The following IKZF2 variants were observed in gnomAD, a reference collection of about 807,000 sequenced individuals.
IKZF2 encodes the protein IKAROS family zinc finger 2, also known as zinc finger protein Helios.
A neutral mutation model predicts 49.2 loss-of-function variants in IKZF2; 15 were observed. The observed-to-expected ratio is 0.30, with a 90% confidence interval of 0.20 to 0.47. IKZF2 has a LOEUF of 0.47. IKZF2 is among the 20% of genes least tolerant of loss of function. The probability of loss-of-function intolerance (pLI) is 1.00; values close to 1 mark genes in which losing one functional copy is unlikely to be tolerated. For missense variants in IKZF2, 567 were observed against 664.6 expected, an observed-to-expected ratio of 0.85 and a Z score of 1.61; for synonymous variants, 227 against 221.4, an observed-to-expected ratio of 1.03 and a Z score of -0.23.
chr2:213,070,634 A>G (rs1256502579), intron 4 of IKZF2, among the ~76,000 whole-genome samples: 1 of 152,170 alleles, frequency 6.6e-6, no homozygotes, highest in East Asian at 1.9e-4. Context: ...ATAGGACTAG[A>G]CAAGACAGGC....
At chr2:213,029,602 C>T (rs1303917691) in intron 6 of IKZF2, among the ~76,000 whole-genome samples, 1 of 151,942 alleles carries the variant, frequency 6.6e-6, no homozygotes, top group Non-Finnish European at 1.5e-5. Flanking sequence ...TCTTCGATTT[C>T]ACTTACTAAT....
intron 4 of IKZF2, among the ~76,000 whole-genome samples, chr2:213,124,250 G>A (rs866319118): frequency 0.022 from 2,053 of 93,432 alleles, 44 homozygotes; most frequent in African/African-American, 0.11. Context: ...TCGCGCGCGC[G>A]CGCACACACA....
chr2:213,059,314 C>T (rs954648190), intron 4 of IKZF2, among the ~76,000 whole-genome samples: 1 of 151,622 alleles, frequency 6.6e-6, no homozygotes, highest in Non-Finnish European at 1.5e-5. Context: ...TCTCTTTACT[C>T]AAGGGCATTT....
At chr2:213,106,798 A>C (rs781147303) in intron 4 of IKZF2, among the ~76,000 whole-genome samples, 6 of 152,164 alleles carry the variant, frequency 3.9e-5, no homozygotes, top group Non-Finnish European at 7.4e-5. Flanking sequence ...TATTCTTCAT[A>C]TTTTGTACTA....
intron 4 of IKZF2, among the ~76,000 whole-genome samples, chr2:213,125,127 T>C (rs563029156): frequency 1.3e-5 from 2 of 152,188 alleles, no homozygotes; most frequent in Non-Finnish European, 2.9e-5. Flanking sequence ...TTTACCAAGA[T>C]AACTAGTGAA....
chr2:213,121,326 A>T (rs1200842148), intron 4 of IKZF2, among the ~76,000 whole-genome samples: 1 of 152,224 alleles, frequency 6.6e-6, no homozygotes, highest in Non-Finnish European at 1.5e-5. Flanking sequence ...AAGGTCAACC[A>T]GGTAAGTATT....
At position 213,022,071 on chromosome 2, in the gene IKZF2, C is replaced by T; in HGVS notation, c.634G>A (p.Glu212Lys). Reference protein sequence around the residue: ...GRSYKQRSSLEEHKERCHNYL... With the variant: ...GRSYKQRSSLKEHKERCHNYL... ...TTGTGGCAGCGTTCCTTGTGCTCCT[C>T]CAGTGAACTGCGCTGCTTGTAGCTT... Residue 212 changes from glutamate (E) to lysine (K), a missense_variant, in exon 7 of 9, where the codon GAG (glutamate) becomes AAG (lysine). Glu to Lys is a moderately conservative substitution (Grantham distance 56). Around this residue, in one of 5 missense-constraint regions of IKZF2, gnomAD observed 310 missense variants for 326.9 expected, o/e 0.95. Coordinates refer to ENST00000434687, the MANE Select transcript of IKZF2 (RefSeq NM_001387220.1). 6.2e-7 allele frequency: 1 copy of T among 1,613,824 alleles called. No homozygotes were observed. The highest frequency in any genetic ancestry group is 2.2e-5 in the East Asian group (1 of 44,868).
In IKZF2 at chr2:213,007,389, T is replaced by A; in HGVS notation, c.1552A>T (p.Ile518Phe). The stretch of plus-strand genomic sequence containing the variant: ...TGGAATGTGTGCTCCCCTCGAACAA[T>A]GTGTGATGAAAACTCATAACGGTCC... ...SQDRYEFSSH[I>F]VRGEHTFH Residue 518 changes from isoleucine to phenylalanine, a missense_variant, in exon 9 of 9, where the codon ATT becomes TTT. Physicochemically the swap from Ile to Phe is conservative, Grantham distance 21. Around this residue, in one of 5 missense-constraint regions of IKZF2, gnomAD observed 25 missense variants for 27.0 expected, o/e 0.93. Transcript: ENST00000434687. 1 of 1,613,376 alleles carries A rather than the reference T, an allele frequency of 6.2e-7. No individual in the cohort carries two copies. The highest frequency in any genetic ancestry group is 8.5e-7 in the Non-Finnish European group (1 of 1,179,584).
chr2:213,014,965 G>C (rs1317221885), intron 7 of IKZF2: 1 of 151,978 alleles, frequency 6.6e-6, no homozygotes, highest in African/African-American at 2.4e-5. Context: ...AGTATGCCCT[G>C]TAAAAATGAT....
intron 4 of IKZF2, among the ~76,000 whole-genome samples, chr2:213,100,293 C>A (rs1173131789): frequency 6.6e-6 from 1 of 151,990 alleles, no homozygotes; most frequent in African/African-American, 2.4e-5. Context: ...AATTTCAAGG[C>A]AGACTGGTAA....
chr2:213,044,382 T>G (rs1699956848), intron 6 of IKZF2, among the ~76,000 whole-genome samples: 1 of 152,234 alleles, frequency 6.6e-6, no homozygotes, highest in African/African-American at 2.4e-5. Context: ...ACTGTTTTCT[T>G]GTCAGGATCC....
Position 213,148,660 on chromosome 2 carries a change from T to A in IKZF2, c.-15-16A>T, listed in dbSNP as rs2061164279. On this transcript the variant is annotated splice_polypyrimidine_tract_variant and intron_variant, in intron 2 of 8. Coordinates refer to ENST00000434687, the MANE Select transcript of IKZF2 (RefSeq NM_001387220.1). ...AAGTGCAATGCTGCAAAACAAAAGATTATACCCTTAATACAATGATTCCTT... is the reference window on the plus strand; with the variant it reads ...AAGTGCAATGCTGCAAAACAAAAGAATATACCCTTAATACAATGATTCCTT... The A allele has an allele frequency of 6.3e-7, 1 of 1,599,670 alleles. No homozygotes were observed. Among genetic ancestry groups the A allele is most frequent in the Non-Finnish European group, 8.6e-7 (1 of 1,167,306 alleles).
chr2:213,117,187 C>T (rs1394896647), intron 4 of IKZF2, among the ~76,000 whole-genome samples: 1 of 152,114 alleles, frequency 6.6e-6, no homozygotes, highest in Non-Finnish European at 1.5e-5. Flanking sequence ...CTGAAAGGAG[C>T]AACTGTCATT....
intron 4 of IKZF2, among the ~76,000 whole-genome samples, chr2:213,109,660 C>T (rs1366529942): frequency 2.0e-5 from 3 of 151,900 alleles, no homozygotes; most frequent in Non-Finnish European, 4.4e-5. Flanking sequence ...ATTAACTGTA[C>T]TATGACCACT....
intron 4 of IKZF2, among the ~76,000 whole-genome samples, chr2:213,133,000 C>G (rs1356754673): frequency 1.3e-5 from 2 of 152,188 alleles, no homozygotes; most frequent in African/African-American, 4.8e-5. Context: ...CAGAAATATT[C>G]AGTAAGTGAT....
chr2:213,007,194 G>C lies in IKZF2; in HGVS notation c.*166C>G. 1.5e-6 allele frequency: 1 copy of C among 687,778 alleles called. No individual in the cohort carries two copies. Among genetic ancestry groups the C allele is most frequent in the Non-Finnish European group, 2.3e-6 (1 of 430,212 alleles). 42.6% of individuals were successfully genotyped at this position (687,778 alleles called of 1,614,324 possible). A position where few individuals can be genotyped will look rare whatever the true frequency, so the allele number is the denominator to read the frequency against. Reference sequence around the variant, plus strand: ...TTCTGTTTCTTCCTTATCGTAATTAGGCAGAGCAAATGACACTGCCTCCAC... The same window carrying C: ...TTCTGTTTCTTCCTTATCGTAATTACGCAGAGCAAATGACACTGCCTCCAC... On this transcript the variant is annotated 3_prime_UTR_variant, in exon 9 of 9. Coordinates refer to ENST00000434687, the MANE Select transcript of IKZF2 (RefSeq NM_001387220.1).
Position 213,147,491 on chromosome 2 carries a change from C to T in IKZF2, c.139+217G>A, listed in dbSNP as rs986884870. On this transcript the variant is annotated intron_variant, in intron 4 of 8. Coordinates refer to ENST00000434687, the MANE Select transcript of IKZF2 (RefSeq NM_001387220.1). ...CTTACCTGATACAGGTAAGCACCAG[C>T]TCCCAAATGCCACCTTGGGATAGTT... The T allele has an allele frequency of 1.1e-5, 7 of 642,364 alleles. No individual in the cohort carries two copies. In the African/African-American group the frequency reaches 1.3e-4, roughly 12 times the overall value. The allele number at this position is 642,364 out of a possible 1,614,324, so 39.8% of individuals were successfully genotyped here. A position where few individuals can be genotyped will look rare whatever the true frequency, so the allele number is the denominator to read the frequency against.
At chr2:213,121,360 G>A (rs1213690432) in intron 4 of IKZF2, among the ~76,000 whole-genome samples, 1 of 152,136 alleles carries the variant, frequency 6.6e-6, no homozygotes, top group Non-Finnish European at 1.5e-5. Context: ...TTAAAATGTT[G>A]AGCTCTTCTT....
In IKZF2 at chr2:213,001,142, A is replaced by G. The variant is rs1219406601; in HGVS notation, c.*6218T>C. ...ACTTGTACAGAAAGAAAAGAATAGTATCTTTTTAACTAATAGCAGAAGCAA... is the reference window on the plus strand; with the variant it reads ...ACTTGTACAGAAAGAAAAGAATAGTGTCTTTTTAACTAATAGCAGAAGCAA... On this transcript the variant is annotated 3_prime_UTR_variant, in exon 9 of 9. Coordinates refer to ENST00000434687, the MANE Select transcript of IKZF2 (RefSeq NM_001387220.1). 1 of 152,008 alleles carries G rather than the reference A, an allele frequency of 6.6e-6. No individual in the cohort carries two copies. The highest frequency in any genetic ancestry group is 1.5e-5 in the Non-Finnish European group (1 of 67,604). 9.4% of individuals were successfully genotyped at this position (152,008 alleles called of 1,614,324 possible). A position where few individuals can be genotyped will look rare whatever the true frequency, so the allele number is the denominator to read the frequency against.
Sources: gnomAD v4.1 joint callset for allele counts (sites outside exome capture counted in the v4.1 genomes callset) on GRCh38, gnomAD v4.1.1 for gene constraint, gnomAD v4.1.1 regional missense constraint, MANE v1.5 for transcripts, NCBI Gene and HGNC (gene_info 2026-07-23, HGNC 2026-07-21) for gene names.